The following JDP2 variants were observed in gnomAD, a reference collection of about 807,000 sequenced individuals.
The protein encoded by JDP2 is progesterone receptor co-activator.
In JDP2, 9 loss-of-function variants were observed where a neutral mutation model predicts 17.1. The observed-to-expected ratio is 0.53, with a 90% CI of 0.32 to 0.92. The LOEUF is 0.92. JDP2 is among the 40% of genes least tolerant of loss of function. JDP2 has a pLI of 0.04. For synonymous variants in JDP2, 107 were observed against 95.6 expected, an observed-to-expected ratio of 1.12 and a Z score of -0.69; for missense variants, 179 against 220.0, an observed-to-expected ratio of 0.81 and a Z score of 1.18.
At position 75,437,968 on chromosome 14, in the gene JDP2, G is replaced by A. The variant is rs1381654039; in HGVS notation, c.48G>A (p.Leu16=). 4 of 1,613,376 alleles carry A rather than the reference G, an allele frequency of 2.5e-6. No homozygotes were observed. The Admixed American group carries it at 6.7e-5, about 27-fold the overall frequency. ...IPDPSVTTGS[L]PGLGPLTGLP... ...ACCCTTCGGTGACCACAGGCTCCCT[G>A]CCAGGGCTTGGCCCCCTGACCGGGC... Residue 16 remains leucine (L), a synonymous_variant, in exon 2 of 4, where the codon CTG becomes CTA. Transcript: ENST00000651602.
rs754132300 is a variant in JDP2, at chr14:75,438,050, G to C, written c.130G>C (p.Gly44Arg). Residue 44 changes from glycine to arginine, a missense_variant, in exon 2 of 4, where the codon GGG becomes CGG. Transcript: ENST00000651602. ...ELKYADIRNL[G>R]AMIAPLHFLE... ...GAAATACGCTGACATCCGCAACCTC[G>C]GGGCCATGATTGCACCCTTGCACTT... 26 of 1,613,854 alleles carry C rather than the reference G, an allele frequency of 1.6e-5. No homozygotes were observed.
At chr14:75,465,066 C>T (rs1195781078) in intron 3 of JDP2, among the ~76,000 whole-genome samples, 2 of 152,216 alleles carry the variant, frequency 1.3e-5, no homozygotes, top group Non-Finnish European at 2.9e-5. Flanking sequence ...CAAGGTCACC[C>T]AGTGGCCGAG....
In JDP2 at chr14:75,430,820, G is replaced by T. The variant is rs1884764055; in HGVS notation, c.-24+2568G>T. On this transcript the variant is annotated intron_variant, in intron 1 of 3. Coordinates refer to ENST00000651602, the MANE Select transcript of JDP2 (RefSeq NM_001135048.2). This position sits in a 1 kb window ranked among gnomAD's most constrained non-coding sequence, Gnocchi z 4.5. ...TGTGCACATGCGTTCTTGTGTGTGT[G>T]TGTGGTTTGGCCTCTCGGAACTCAG... 6.6e-6 allele frequency among the ~76,000 whole-genome samples: 1 copy of T among 152,212 alleles called. No homozygotes were observed. Among genetic ancestry groups the T allele is most frequent in the African/African-American group, 2.4e-5 (1 of 41,440 alleles).
chr14:75,467,936 G>A (rs1444252966), intron 3 of JDP2, among the ~76,000 whole-genome samples: 1 of 152,092 alleles, frequency 6.6e-6, no homozygotes, highest in East Asian at 1.9e-4. Flanking sequence ...AGAGTTCCCG[G>A]GCACTCATGC....
At position 75,461,524 on chromosome 14, in the gene JDP2, G is replaced by T; in HGVS notation, c.300G>T (p.Leu100=). The change falls in exon 3 of 4, where the codon CTG becomes CTT. Residue 100 remains leucine (L), a synonymous_variant. Coordinates refer to ENST00000651602, the MANE Select transcript of JDP2 (RefSeq NM_001135048.2). ...RNKKKERTEF[L]QRESERLELM... Reference sequence around the variant, plus strand: ...AGAAGAAGGAGCGCACGGAGTTTCTGCAGCGGGTGAGCTGACCGGGTGGGT... The same window carrying T: ...AGAAGAAGGAGCGCACGGAGTTTCTTCAGCGGGTGAGCTGACCGGGTGGGT... 6.2e-7 allele frequency: 1 copy of T among 1,602,422 alleles called. No individual in the cohort carries two copies. The highest frequency in any genetic ancestry group is 8.5e-7 in the Non-Finnish European group (1 of 1,176,224).
rs1886851723 is a variant in JDP2, at chr14:75,473,346, AC to A, written c.*3872del. 6.6e-6 allele frequency: 1 copy of A among 152,154 alleles called. No individual in the cohort carries two copies. The highest frequency in any genetic ancestry group is 1.5e-5 in the Non-Finnish European group (1 of 68,038). The allele number at this position is 152,154 out of a possible 1,614,324, so 9.4% of individuals were successfully genotyped here. A position where few individuals can be genotyped will look rare whatever the true frequency, so the allele number is the denominator to read the frequency against. Reference sequence around the variant, plus strand: ...AGAGCGAGACTCCATCTCAAAAAAAACAAAACAAAAAAAATGTGGATTAAAG... The same window carrying A: ...AGAGCGAGACTCCATCTCAAAAAAAAAAAACAAAAAAAATGTGGATTAAAG... On this transcript the variant is annotated 3_prime_UTR_variant, in exon 4 of 4. Transcript: ENST00000651602.
chr14:75,447,941 G>C (rs181964460), intron 2 of JDP2, among the ~76,000 whole-genome samples: 169 of 152,256 alleles, frequency 1.1e-3, no homozygotes, highest in African/African-American at 3.8e-3. Flanking sequence ...TTACAGGCGT[G>C]AGCCACTGTG....
intron 2 of JDP2, among the ~76,000 whole-genome samples, chr14:75,441,879 G>A (rs1384793210): frequency 1.3e-5 from 2 of 152,106 alleles, no homozygotes; most frequent in South Asian, 2.1e-4. Flanking sequence ...ATCTCCCAGC[G>A]AGCTGTGGCT....
chr14:75,442,328 C>T (rs556735554), intron 2 of JDP2, among the ~76,000 whole-genome samples: 2 of 152,268 alleles, frequency 1.3e-5, no homozygotes, highest in African/African-American at 4.8e-5. Context: ...CCCTTATACA[C>T]AACAAGAGGT....
At chr14:75,451,801 C>T (rs1885878932) in intron 2 of JDP2, among the ~76,000 whole-genome samples, 4 of 151,788 alleles carry the variant, frequency 2.6e-5, no homozygotes, top group African/African-American at 9.7e-5. Context: ...GACCCAATCC[C>T]TGTCTTGAAG....
At chr14:75,445,730 G>A in intron 2 of JDP2, 1 of 341,292 alleles carries the variant, frequency 2.9e-6, no homozygotes, top group Non-Finnish European at 4.1e-6. Flanking sequence ...GAAAACAGCT[G>A]TAAATCTTTG....
chr14:75,451,049 T>G (rs1316625364), intron 2 of JDP2, among the ~76,000 whole-genome samples: 1 of 152,108 alleles, frequency 6.6e-6, no homozygotes, highest in Non-Finnish European at 1.5e-5. Context: ...ATATGGCACC[T>G]CAGTGTTTCA....
rs1483758314 is a variant in JDP2 at position 75,453,176 on chromosome 14, G to T, written c.202-8250G>T. Among the ~76,000 whole-genome samples, 5 of 151,888 alleles carry T rather than the reference G, an allele frequency of 3.3e-5. No homozygotes were observed. The South Asian group carries it at 8.3e-4, about 25-fold the overall frequency. ...CCTACTTTGTTGATGGGGGGTGGGGGAGTGGGGAGGGACTGCAGCCCCTGG... is the reference window on the plus strand; with the variant it reads ...CCTACTTTGTTGATGGGGGGTGGGGTAGTGGGGAGGGACTGCAGCCCCTGG... On this transcript the variant is annotated intron_variant, in intron 2 of 3. Coordinates refer to ENST00000651602, the MANE Select transcript of JDP2 (RefSeq NM_001135048.2).
chr14:75,462,865 G>A (rs1198359344), intron 3 of JDP2, among the ~76,000 whole-genome samples: 1 of 152,202 alleles, frequency 6.6e-6, no homozygotes, highest in Non-Finnish European at 1.5e-5. Flanking sequence ...TGCAGGGAAT[G>A]GTTATTGTAG....
intron 2 of JDP2, among the ~76,000 whole-genome samples, chr14:75,440,510 TAATC>T (rs1885293279): frequency 6.6e-6 from 1 of 152,260 alleles, no homozygotes; most frequent in Non-Finnish European, 1.5e-5. Flanking sequence ...TCTTTAATAA[TAATC>T]AGATACTAGC....
intron 1 of JDP2, chr14:75,432,208 T>C: frequency 1.0e-6 from 1 of 983,990 alleles, no homozygotes. Flanking sequence ...TCTCGCCTTC[T>C]GGATCTCCTC....
Position 75,445,508 on chromosome 14 carries a change from C to G in JDP2, c.201+7387C>G, listed in dbSNP as rs1001372545. ...TCCCCAGTCCCCGCGAATAAAAACC[C>G]TTGCCTTTTTGGAGGCAATGTAGCA... On this transcript the variant is annotated intron_variant, in intron 2 of 3. Coordinates refer to ENST00000651602, the MANE Select transcript of JDP2 (RefSeq NM_001135048.2). The G allele has an allele frequency of 5.1e-6, 5 of 985,310 alleles. No homozygotes were observed. In the African/African-American group the frequency reaches 8.7e-5, roughly 17 times the overall value. The allele number at this position is 985,310 out of a possible 1,614,324, so 61.0% of individuals were successfully genotyped here.
intron 3 of JDP2, among the ~76,000 whole-genome samples, chr14:75,466,703 C>G (rs1476381827): frequency 1.3e-5 from 2 of 152,278 alleles, no homozygotes; most frequent in Non-Finnish European, 1.5e-5. Flanking sequence ...TCAGAGGCTT[C>G]CCCTTGCATG....
Position 75,469,301 on chromosome 14 carries a change from G to T in JDP2, c.318G>T (p.Arg106=). The T allele has an allele frequency of 6.2e-7, 1 of 1,614,056 alleles. No homozygotes were observed. The highest frequency in any genetic ancestry group is 8.5e-7 in the Non-Finnish European group (1 of 1,179,950). Residue 106 remains arginine (R), a synonymous_variant, in exon 4 of 4, where the codon CGG becomes CGT. Transcript: ENST00000651602. The part of the protein sequence containing the change: ...RTEFLQRESE[R]LELMNAELKT... ...GTGTTGGTATACAGGAATCCGAGCG[G>T]CTGGAACTCATGAACGCAGAGCTGA... is the stretch of plus-strand genomic sequence containing the variant.
Sources: gnomAD v4.1 joint callset for allele counts (sites outside exome capture counted in the v4.1 genomes callset) on GRCh38, gnomAD v4.1.1 for gene constraint, Gnocchi (gnomAD v3.1) non-coding constraint, MANE v1.5 for transcripts, NCBI Gene and HGNC (gene_info 2026-07-23, HGNC 2026-07-21) for gene names.